RAI1: variants seen among roughly 807,000 people sequenced by gnomAD.
RAI1 encodes the protein retinoic acid-induced protein 1.
Under a neutral mutation model 123.8 loss-of-function variants are expected in RAI1, and 9 were observed. That is an observed-to-expected ratio of 0.07 (90% CI 0.04 to 0.13). The LOEUF is 0.13. Ranked by LOEUF, RAI1 falls within the 10% of genes least tolerant of loss-of-function variation. The pLI, the probability that RAI1 is intolerant of heterozygous loss-of-function variation, is 1.00. For synonymous variants in RAI1, 1,231 were observed against 1,127.3 expected, an observed-to-expected ratio of 1.09 and a Z score of -1.84; for missense variants, 2,256 against 2,545.8, an observed-to-expected ratio of 0.89 and a Z score of 2.45.
At chr17:17,785,156 G>A (rs1189764358) in intron 2 of RAI1, among the ~76,000 whole-genome samples, 1 of 152,226 alleles carries the variant, frequency 6.6e-6, no homozygotes, top group Non-Finnish European at 1.5e-5. Context: ...AAGCTGAGCA[G>A]AAATGTGCTC....
At chr17:17,727,234 C>T (rs1357627752) in intron 2 of RAI1, among the ~76,000 whole-genome samples, 1 of 152,212 alleles carries the variant, frequency 6.6e-6, no homozygotes, top group Non-Finnish European at 1.5e-5. Context: ...AGAGCCTTGG[C>T]AATGAATCAC....
rs778274557 is a variant in RAI1 at position 17,796,668 on chromosome 17, C to T, written c.3720C>T (p.Val1240=). 10 of 1,612,614 alleles carry T rather than the reference C, an allele frequency of 6.2e-6. No homozygotes were observed. The East Asian group carries it at 1.6e-4, about 25-fold the overall frequency. The part of the protein sequence containing the change: ...APVPTKKRNL[V]LRSRSSSSSN... The stretch of plus-strand genomic sequence containing the variant: ...TCCCCACCAAGAAGCGGAACCTGGT[C>T]TTGCGGAGCCGCAGCAGCAGCAGCA... The change falls in exon 3 of 6, where the codon GTC becomes GTT. Residue 1240 remains valine (V), a synonymous_variant. Coordinates refer to ENST00000353383, the MANE Select transcript of RAI1 (RefSeq NM_030665.4). This position sits in a 1 kb window ranked among gnomAD's most constrained non-coding sequence, Gnocchi z 5.8.
intron 4 of RAI1, among the ~76,000 whole-genome samples, chr17:17,807,979 C>T (rs1466112541): frequency 6.6e-6 from 1 of 152,234 alleles, no homozygotes; most frequent in Non-Finnish European, 1.5e-5. Flanking sequence ...CTCAGGGCTG[C>T]AGAGCTGTCC....
intron 2 of RAI1, among the ~76,000 whole-genome samples, chr17:17,768,297 C>T (rs1408004443): frequency 1.3e-5 from 2 of 152,196 alleles, no homozygotes; most frequent in Non-Finnish European, 2.9e-5. Flanking sequence ...GTGCATGCTG[C>T]TCTGCTGTTG....
chr17:17,721,201 T>C (rs1332313892), intron 1 of RAI1, among the ~76,000 whole-genome samples: 1 of 152,150 alleles, frequency 6.6e-6, no homozygotes, highest in African/African-American at 2.4e-5. Context: ...AGGGGAACTG[T>C]TGGCTCAAAG....
intron 1 of RAI1, among the ~76,000 whole-genome samples, chr17:17,709,274 T>C (rs1331411278): frequency 1.3e-5 from 2 of 152,152 alleles, no homozygotes; most frequent in Non-Finnish European, 2.9e-5. Context: ...CTGGCTGGGC[T>C]CTGGCCATGC....
At chr17:17,742,248 C>T (rs552239503) in intron 2 of RAI1, among the ~76,000 whole-genome samples, 3 of 152,368 alleles carry the variant, frequency 2.0e-5, no homozygotes, top group East Asian at 3.9e-4. Context: ...CCTGTCCACT[C>T]CCAGCCCAGC....
At chr17:17,788,849 G>T (rs2031920016) in intron 2 of RAI1, among the ~76,000 whole-genome samples, 1 of 152,186 alleles carries the variant, frequency 6.6e-6, no homozygotes. Context: ...CCTACACTGT[G>T]CCCATTTCGC....
Position 17,795,082 on chromosome 17 carries a change from C to T in RAI1, c.2134C>T (p.Pro712Ser), listed in dbSNP as rs777272541. 6.2e-7 allele frequency: 1 copy of T among 1,614,142 alleles called. No homozygotes were observed. The highest frequency in any genetic ancestry group is 8.5e-7 in the Non-Finnish European group (1 of 1,180,048). Residue 712 changes from proline (P) to serine (S), a missense_variant, in exon 3 of 6, where the codon CCC becomes TCC. Transcript: ENST00000353383. This position sits in a 1 kb window ranked among gnomAD's most constrained non-coding sequence, Gnocchi z 5.9. ...TGGTCCTCTCTCCTTTGGTACCAAG[C>T]CCACCCTTGGGGTTCCTGCTCCAGA... ...TTGPLSFGTK[P>S]TLGVPAPDPT...
chr17:17,758,108 C>T (rs939999895), intron 2 of RAI1, among the ~76,000 whole-genome samples: 1 of 152,202 alleles, frequency 6.6e-6, no homozygotes, highest in African/African-American at 2.4e-5. Flanking sequence ...CTATTATTAA[C>T]GCTGACAGTA....
Position 17,795,027 on chromosome 17 carries a change from C to G in RAI1, c.2079C>G (p.Ala693=). 2 of 1,614,160 alleles carry G rather than the reference C, an allele frequency of 1.2e-6. No homozygotes were observed. The highest frequency in any genetic ancestry group is 1.7e-6 in the Non-Finnish European group (2 of 1,180,044). Residue 693 remains alanine (A), a synonymous_variant, in exon 3 of 6, where the codon GCC becomes GCG. Transcript: ENST00000353383. This position sits in a 1 kb window ranked among gnomAD's most constrained non-coding sequence, Gnocchi z 5.9. ...SPGLFEDPSV[A]FATPDPKKTT... ...GGCTGTTTGAAGACCCTTCCGTGGC[C>G]TTCGCTACGCCTGACCCCAAAAAGA...
intron 2 of RAI1, chr17:17,759,273 A>G (rs1473569040): frequency 6.6e-6 from 1 of 152,234 alleles, no homozygotes; most frequent in Non-Finnish European, 1.5e-5. Context: ...TTGCCAGGTC[A>G]GAGTGGCCAA....
rs1441334643 is a variant in RAI1 at position 17,801,114 on chromosome 17, CT to C, written c.5565+2607del. 1.3e-5 allele frequency among the ~76,000 whole-genome samples: 2 copies of C among 152,178 alleles called. No individual in the cohort carries two copies. Among genetic ancestry groups the C allele is most frequent in the African/African-American group, 4.8e-5 (2 of 41,436 alleles). On this transcript the variant is annotated intron_variant, in intron 3 of 5. Coordinates refer to ENST00000353383, the MANE Select transcript of RAI1 (RefSeq NM_030665.4). The surrounding 1 kb of genome is among the most constrained non-coding windows in gnomAD (Gnocchi z 4.1). ...CCTCTGAGCCAGCTCTCAGGGATAC[CT>C]TTTTTCCTCGATGGCCTTTTCTGGG... is the stretch of plus-strand genomic sequence containing the variant.
rs2030710721 is a variant in RAI1 at position 17,761,877 on chromosome 17, G to A, written c.-16-31056G>A. ...AGGTGGTGGTCACTGAGGAGCGAGG[G>A]CAGGTGGGGGGATGGAAAGGTCTCA... On this transcript the variant is annotated intron_variant, in intron 2 of 5. Transcript: ENST00000353383. Among the ~76,000 whole-genome samples the A allele has an allele frequency of 2.0e-5, 3 of 152,276 alleles. No homozygotes were observed. The South Asian group carries it at 6.2e-4, about 32-fold the overall frequency.
Position 17,691,504 on chromosome 17 carries a change from C to T in RAI1, c.-149+9711C>T, listed in dbSNP as rs184603841. Among the ~76,000 whole-genome samples, 539 of 152,310 alleles carry T rather than the reference C, an allele frequency of 3.5e-3. 4 individuals are homozygous for T. The highest frequency in any genetic ancestry group is 6.2e-3 in the Non-Finnish European group (425 of 68,016). On this transcript the variant is annotated intron_variant, in intron 1 of 5. Coordinates refer to ENST00000353383, the MANE Select transcript of RAI1 (RefSeq NM_030665.4). Reference sequence around the variant, plus strand: ...AAGGTAGCGGGAAGAAAGAGGGATGCGAGCCCTTCTACTCTTTTAAGGGAG... The same window carrying T: ...AAGGTAGCGGGAAGAAAGAGGGATGTGAGCCCTTCTACTCTTTTAAGGGAG...
intron 3 of RAI1, among the ~76,000 whole-genome samples, chr17:17,802,461 A>G (rs951042708): frequency 2.6e-5 from 4 of 152,192 alleles, no homozygotes; most frequent in Non-Finnish European, 4.4e-5. Context: ...GATTAATGAA[A>G]GGGACCCACA....
intron 2 of RAI1, among the ~76,000 whole-genome samples, chr17:17,776,434 G>A (rs1035425680): frequency 2.0e-5 from 3 of 151,946 alleles, no homozygotes; most frequent in African/African-American, 7.2e-5. Context: ...CCAGTGGCGC[G>A]ATCTCAGCTT....
chr17:17,759,362 A>G (rs1465007252), intron 2 of RAI1: 2 of 152,228 alleles, frequency 1.3e-5, no homozygotes, highest in Admixed American at 1.3e-4. Flanking sequence ...CCAGCTATGG[A>G]TGCGTCCGTT....
chr17:17,725,723 G>A (rs1916066819), intron 2 of RAI1, among the ~76,000 whole-genome samples: 1 of 152,078 alleles, frequency 6.6e-6, no homozygotes, highest in African/African-American at 2.4e-5. Context: ...AGGCTATCAA[G>A]GTGCCCCCTC....
Sources: gnomAD v4.1 joint callset for allele counts (sites outside exome capture counted in the v4.1 genomes callset) on GRCh38, gnomAD v4.1.1 for gene constraint, Gnocchi (gnomAD v3.1) non-coding constraint, MANE v1.5 for transcripts, NCBI Gene and HGNC (gene_info 2026-07-23, HGNC 2026-07-21) for gene names.